The following TRERF1 variants were observed in gnomAD, a reference collection of about 807,000 sequenced individuals.
TRERF1 encodes transcriptional-regulating factor 1.
In TRERF1, 27 loss-of-function variants were observed where a neutral mutation model predicts 122.9. The observed-to-expected ratio is 0.22, with a 90% CI of 0.16 to 0.30. The LOEUF (loss-of-function observed/expected upper bound fraction) is 0.30, where lower values mean the gene tolerates loss of function less well. Ranked by LOEUF, TRERF1 falls within the 10% of genes least tolerant of loss-of-function variation. The pLI is 1.00. For synonymous variants in TRERF1, 636 were observed against 641.7 expected (o/e 0.99, Z 0.13); for missense variants, 1,248 against 1,560.3 (o/e 0.80, Z 3.37).
Position 42,326,353 on chromosome 6 carries a change from G to A in TRERF1, c.-370-25604C>T, listed in dbSNP as rs909894188. Among the ~76,000 whole-genome samples, 6 of 152,112 alleles carry A rather than the reference G, an allele frequency of 3.9e-5. No homozygotes were observed. The East Asian group carries it at 1.2e-3, about 29-fold the overall frequency. The stretch of plus-strand genomic sequence containing the variant: ...GCTTCTCAGAGTGTGCAGGTCTGAC[G>A]CCCGTCTCTCTTGGAAAGTGGGAGA... On this transcript the variant is annotated intron_variant, in intron 3 of 17. Transcript: ENST00000372922.
chr6:42,444,029 G>A (rs901725976), intron 2 of TRERF1, among the ~76,000 whole-genome samples: 1 of 151,984 alleles, frequency 6.6e-6, no homozygotes, highest in African/African-American at 2.4e-5. Flanking sequence ...CTAGTCCAGA[G>A]CCTTGGTGTA....
At chr6:42,309,085 G>A (rs980980426) in intron 3 of TRERF1, among the ~76,000 whole-genome samples, 1 of 152,104 alleles carries the variant, frequency 6.6e-6, no homozygotes, top group African/African-American at 2.4e-5. Context: ...GGTCTGCGCT[G>A]GGCCCAGGGA....
At chr6:42,343,502 G>A (rs1373697233) in intron 3 of TRERF1, among the ~76,000 whole-genome samples, 1 of 152,156 alleles carries the variant, frequency 6.6e-6, no homozygotes, top group Non-Finnish European at 1.5e-5. Flanking sequence ...CTGGTGTCGC[G>A]CTGCTCTATG....
intron 1 of TRERF1, among the ~76,000 whole-genome samples, chr6:42,451,464 G>C (rs769944813): frequency 2.2e-4 from 32 of 147,682 alleles, no homozygotes; most frequent in Non-Finnish European, 4.3e-4. Context: ...AGGAAGCTTT[G>C]GGTTTCCAAA....
chr6:42,311,976 T>C (rs1373200530), intron 3 of TRERF1, among the ~76,000 whole-genome samples: 3 of 152,248 alleles, frequency 2.0e-5, no homozygotes, highest in East Asian at 3.9e-4. Flanking sequence ...ATTGGGCCAA[T>C]GCTATTACTC....
intron 2 of TRERF1, among the ~76,000 whole-genome samples, chr6:42,364,846 G>T (rs1253961867): frequency 6.6e-6 from 1 of 152,214 alleles, no homozygotes; most frequent in African/African-American, 2.4e-5. Flanking sequence ...AGGCTGAGGG[G>T]TGTGAAGGGC....
Position 42,276,322 on chromosome 6 carries a change from G to A in TRERF1, c.-258-6474C>T, listed in dbSNP as rs897373771. ...TTCAGAAGGGGTAACACCCTGCTCC[G>A]GCCAGACCACCATTGCTTGTTTGAG... On this transcript the variant is annotated intron_variant, in intron 4 of 17. Transcript: ENST00000372922. This position sits in a 1 kb window ranked among gnomAD's most constrained non-coding sequence, Gnocchi z 4.3. 1.1e-4 allele frequency among the ~76,000 whole-genome samples: 16 copies of A among 152,330 alleles called. No individual in the cohort carries two copies. Among genetic ancestry groups the A allele is most frequent in the South Asian group, 4.1e-4 (2 of 4,828 alleles).
intron 13 of TRERF1, among the ~76,000 whole-genome samples, chr6:42,253,419 C>G (rs1041598868): frequency 9.9e-5 from 15 of 152,174 alleles, no homozygotes; most frequent in Admixed American, 6.5e-5. Flanking sequence ...GGAGGCTGGA[C>G]AGCCTCTCAG....
chr6:42,302,876 G>A (rs1285485028), intron 3 of TRERF1, among the ~76,000 whole-genome samples: 1 of 152,172 alleles, frequency 6.6e-6, no homozygotes, highest in Non-Finnish European at 1.5e-5. Context: ...CTCTGCAGAG[G>A]CGTGAGCTCT....
intron 8 of TRERF1, among the ~76,000 whole-genome samples, chr6:42,261,266 A>G (rs527627742): frequency 1.3e-5 from 2 of 152,184 alleles, no homozygotes; most frequent in African/African-American, 4.8e-5. Context: ...TATGATCTCA[A>G]CGCAGCACTG....
At chr6:42,328,043 T>C (rs1315005967) in intron 3 of TRERF1, among the ~76,000 whole-genome samples, 1 of 150,724 alleles carries the variant, frequency 6.6e-6, no homozygotes, top group Non-Finnish European at 1.5e-5. Flanking sequence ...TCTCATTTTG[T>C]TGTTCAGGCT....
chr6:42,312,746 G>A (rs1489932956), intron 3 of TRERF1, among the ~76,000 whole-genome samples: 2 of 152,100 alleles, frequency 1.3e-5, no homozygotes, highest in Admixed American at 6.6e-5. Context: ...TTAATTCATC[G>A]ACTCCACACA....
Position 42,262,527 on chromosome 6 carries a change from G to C in TRERF1, c.1884+793C>G, listed in dbSNP as rs947757484. 9.6e-4 allele frequency among the ~76,000 whole-genome samples: 44 copies of C among 46,050 alleles called. 3 individuals are homozygous for C. The highest frequency in any genetic ancestry group is 6.2e-3 in the South Asian group (5 of 810). The allele number at this position is 46,050 out of a possible 152,430, so 30.2% of individuals were successfully genotyped here. ...AGAGAGAGAGAGAGAGAGAGAGAGA[G>C]AGAGAGAGAGAGAGAGAGAGAGAGA... On this transcript the variant is annotated intron_variant, in intron 8 of 17. Coordinates refer to ENST00000372922, the Ensembl canonical transcript of TRERF1.
chr6:42,436,455 C>T (rs533569512), intron 2 of TRERF1, among the ~76,000 whole-genome samples: 1 of 151,742 alleles, frequency 6.6e-6, no homozygotes, highest in African/African-American at 2.4e-5. Context: ...TCAAAAGAAC[C>T]CTAATATGAT....
At chr6:42,281,826 A>G (rs1782355389) in intron 4 of TRERF1, among the ~76,000 whole-genome samples, 1 of 152,216 alleles carries the variant, frequency 6.6e-6, no homozygotes, top group African/African-American at 2.4e-5. Context: ...ATTGGGCGCT[A>G]ACCCCAGGCT....
chr6:42,283,611 C>CTTTT (rs869206003), intron 4 of TRERF1, among the ~76,000 whole-genome samples: 70 of 107,982 alleles, frequency 6.5e-4, no homozygotes, highest in Non-Finnish European at 9.4e-4. Flanking sequence ...ATGAAAAAAA[C>CTTTT]TTTTTTTTTT....
intron 2 of TRERF1, among the ~76,000 whole-genome samples, chr6:42,439,434 G>T (rs1786081914): frequency 6.6e-6 from 1 of 152,116 alleles, no homozygotes; most frequent in Non-Finnish European, 1.5e-5. Flanking sequence ...GAAGCTGAAA[G>T]TCGGCTGGGC....
chr6:42,351,020 C>G (rs1358872682), intron 3 of TRERF1, among the ~76,000 whole-genome samples: 3 of 152,094 alleles, frequency 2.0e-5, no homozygotes, highest in African/African-American at 7.2e-5. Flanking sequence ...CACACACACA[C>G]AGATTACTGA....
chr6:42,340,708 C>T (rs913581361), intron 3 of TRERF1, among the ~76,000 whole-genome samples: 4 of 152,182 alleles, frequency 2.6e-5, no homozygotes, highest in Admixed American at 6.5e-5. Flanking sequence ...TCAAGCGATC[C>T]TCCCACCTCA....
Sources: gnomAD v4.1 joint callset for allele counts (sites outside exome capture counted in the v4.1 genomes callset) on GRCh38, gnomAD v4.1.1 for gene constraint, Gnocchi (gnomAD v3.1) non-coding constraint, MANE v1.5 for transcripts, NCBI Gene and HGNC (gene_info 2026-07-23, HGNC 2026-07-21) for gene names.